CDH12: variants seen among roughly 807,000 people sequenced by gnomAD.
The protein encoded by CDH12 is cadherin 12.
In CDH12, 41 loss-of-function variants were observed where a neutral mutation model predicts 74.1. The observed-to-expected ratio is 0.55, with a 90% CI of 0.43 to 0.72. The LOEUF (loss-of-function observed/expected upper bound fraction) is 0.72, where lower values mean the gene tolerates loss of function less well. Among genes scored for constraint, CDH12 ranks in the 30% least tolerant of loss-of-function variants. The probability of loss-of-function intolerance (pLI) is 0.00; values close to 1 mark genes in which losing one functional copy is unlikely to be tolerated. For missense variants in CDH12, 945 were observed against 977.2 expected, an observed-to-expected ratio of 0.97 and a Z score of 0.44; for synonymous variants, 399 against 355.0, an observed-to-expected ratio of 1.12 and a Z score of -1.39.
chr5:22,786,460 ACCT>A (rs910812429), intron 1 of CDH12, among the ~76,000 whole-genome samples: 5 of 152,014 alleles, frequency 3.3e-5, no homozygotes, highest in African/African-American at 1.2e-4. Context: ...GCTGCTGAAC[ACCT>A]CTTTTCCTTC....
intron 1 of CDH12, among the ~76,000 whole-genome samples, chr5:22,784,321 A>C (rs1747523667): frequency 6.6e-6 from 1 of 152,116 alleles, no homozygotes; most frequent in South Asian, 2.1e-4. Flanking sequence ...TGATAGAGTA[A>C]ACCTCTGTCC....
rs544709805 is a variant in CDH12, at chr5:22,647,024, A to G, written c.-522-141660T>C. Among the ~76,000 whole-genome samples, 6 of 151,978 alleles carry G rather than the reference A, an allele frequency of 3.9e-5. No individual in the cohort carries two copies. The South Asian group carries it at 1.2e-3, about 31-fold the overall frequency. On this transcript the variant is annotated intron_variant, in intron 1 of 14. Coordinates refer to ENST00000382254, the MANE Select transcript of CDH12 (RefSeq NM_004061.5). ...ATTAAGCCAAGAGATGATTCCAAAA[A>G]TTATTTCAAGTGAAAGAAGCATTAC...
At chr5:21,816,651 A>AAAAAAAAAAAAAAAAAAC (rs1748063703) in intron 9 of CDH12, among the ~76,000 whole-genome samples, 1 of 145,732 alleles carries the variant, frequency 6.9e-6, no homozygotes, top group Non-Finnish European at 1.5e-5. Context: ...AAAAAAAAAA[A>AAAAAAAAAAAAAAAAAAC]AAGAATAGAG....
At chr5:21,932,130 A>G (rs1312932993) in intron 6 of CDH12, among the ~76,000 whole-genome samples, 1 of 152,216 alleles carries the variant, frequency 6.6e-6, no homozygotes, top group African/African-American at 2.4e-5. Context: ...TTTACTTTTA[A>G]TCATAAGATA....
intron 6 of CDH12, among the ~76,000 whole-genome samples, chr5:21,877,220 A>AT (rs1324890393): frequency 1.3e-5 from 2 of 151,694 alleles, no homozygotes; most frequent in Admixed American, 1.3e-4. Context: ...AAAAAAAAAA[A>AT]GAAGAAGAGG....
chr5:22,315,881 T>C (rs761442849), intron 3 of CDH12, among the ~76,000 whole-genome samples: 3 of 152,112 alleles, frequency 2.0e-5, no homozygotes, highest in Non-Finnish European at 4.4e-5. Flanking sequence ...GGTTTTGAAA[T>C]GGAAATTAGG....
intron 1 of CDH12, among the ~76,000 whole-genome samples, chr5:22,688,076 A>G (rs554172476): frequency 3.9e-5 from 6 of 152,202 alleles, no homozygotes; most frequent in Admixed American, 2.0e-4. Flanking sequence ...TTTGTAAGTT[A>G]CCAGCTGTGT....
intron 5 of CDH12, among the ~76,000 whole-genome samples, chr5:22,010,649 G>A (rs1737242937): frequency 6.6e-6 from 1 of 152,118 alleles, no homozygotes; most frequent in Admixed American, 6.6e-5. Context: ...CATGGGTAAG[G>A]ATACAGAATT....
rs538153359 is a variant in CDH12 at position 22,799,845 on chromosome 5, A to T, written c.-523+53213T>A. On this transcript the variant is annotated intron_variant, in intron 1 of 14. Coordinates refer to ENST00000382254, the MANE Select transcript of CDH12 (RefSeq NM_004061.5). The stretch of plus-strand genomic sequence containing the variant: ...AAAACAACACACAAACATATTAATA[A>T]GCATAATTTTTGCTCTTAAAGTTTT... 5.3e-5 allele frequency among the ~76,000 whole-genome samples: 8 copies of T among 152,302 alleles called. No homozygotes were observed. The East Asian group carries it at 1.4e-3, about 26-fold the overall frequency.
chr5:22,029,045 A>G (rs1293563745), intron 5 of CDH12, among the ~76,000 whole-genome samples: 2 of 152,240 alleles, frequency 1.3e-5, no homozygotes, highest in Non-Finnish European at 2.9e-5. Context: ...GTGCTGGGAA[A>G]ACCAGCTAGC....
intron 6 of CDH12, among the ~76,000 whole-genome samples, chr5:21,952,275 T>C (rs1267516860): frequency 6.6e-6 from 1 of 152,120 alleles, no homozygotes; most frequent in Non-Finnish European, 1.5e-5. Context: ...ATCTTAACCT[T>C]GGAGGCCTGA....
chr5:22,228,646 A>G (rs1030449753), intron 3 of CDH12, among the ~76,000 whole-genome samples: 1 of 152,144 alleles, frequency 6.6e-6, no homozygotes, highest in African/African-American at 2.4e-5. Flanking sequence ...TATTTTTCTC[A>G]TGAGACTGAG....
chr5:22,763,020 T>C, intron 1 of CDH12, among the ~76,000 whole-genome samples: 1 of 151,940 alleles, frequency 6.6e-6, no homozygotes, highest in East Asian at 1.9e-4. Flanking sequence ...CATTTATACT[T>C]CGAATAAGAA....
Position 22,703,339 on chromosome 5 carries a change from T to C in CDH12, c.-523+149719A>G, listed in dbSNP as rs144267605. ...ATTTTTTCTCCCTTTCTGAGCAACATAGCCTTACTTGAATTTTCTTTTCTC... is the reference window on the plus strand; with the variant it reads ...ATTTTTTCTCCCTTTCTGAGCAACACAGCCTTACTTGAATTTTCTTTTCTC... On this transcript the variant is annotated intron_variant, in intron 1 of 14. Transcript: ENST00000382254. 3.1e-3 allele frequency among the ~76,000 whole-genome samples: 479 copies of C among 152,286 alleles called. 4 individuals are homozygous for C. Among genetic ancestry groups the C allele is most frequent in the African/African-American group, 0.011 (460 of 41,566 alleles).
At chr5:22,177,260 AT>A (rs921214945) in intron 4 of CDH12, among the ~76,000 whole-genome samples, 1 of 151,892 alleles carries the variant, frequency 6.6e-6, no homozygotes, top group African/African-American at 2.4e-5. Flanking sequence ...TTCCCTACCT[AT>A]TTTTTTCATA....
chr5:22,713,608 C>T (rs186575274), intron 1 of CDH12, among the ~76,000 whole-genome samples: 1 of 151,684 alleles, frequency 6.6e-6, no homozygotes, highest in African/African-American at 2.4e-5. Context: ...AATAAATTAT[C>T]GATTAGAGAT....
chr5:21,782,484 C>T (rs1469583947), intron 11 of CDH12, among the ~76,000 whole-genome samples: 3 of 152,134 alleles, frequency 2.0e-5, no homozygotes, highest in Non-Finnish European at 4.4e-5. Context: ...CAGAAATGCT[C>T]ACAGCTATTC....
At chr5:22,087,695 G>T (rs1010833898) in intron 4 of CDH12, among the ~76,000 whole-genome samples, 1 of 152,080 alleles carries the variant, frequency 6.6e-6, no homozygotes, top group South Asian at 2.1e-4. Flanking sequence ...TTTAGACATT[G>T]CTTTGTAATG....
At chr5:21,921,175 C>T (rs1366875157) in intron 6 of CDH12, among the ~76,000 whole-genome samples, 1 of 152,124 alleles carries the variant, frequency 6.6e-6, no homozygotes, top group Non-Finnish European at 1.5e-5. Context: ...AAAAAAGACA[C>T]AAGTCATGAT....
Sources: gnomAD v4.1 joint callset for allele counts (sites outside exome capture counted in the v4.1 genomes callset) on GRCh38, gnomAD v4.1.1 for gene constraint, MANE v1.5 for transcripts, NCBI Gene and HGNC (gene_info 2026-07-23, HGNC 2026-07-21) for gene names.